The following MAPK10 variants were observed in gnomAD, a reference collection of about 807,000 sequenced individuals.
The protein encoded by MAPK10 is JNK3 alpha protein kinase.
MAPK10 carries 25 observed loss-of-function variants against 59.3 expected under a neutral mutation model. That is an observed-to-expected ratio of 0.42 (90% confidence interval 0.31 to 0.59). The LOEUF is 0.59. MAPK10 is among the 20% of genes least tolerant of loss of function. The pLI is 0.15. For missense variants in MAPK10, 351 were observed against 568.9 expected (o/e 0.62, Z 3.90); for synonymous variants, 190 against 200.5 (o/e 0.95, Z 0.44).
intron 9 of MAPK10, chr4:86,080,020 G>T (rs760517744): frequency 3.9e-5 from 6 of 151,958 alleles, no homozygotes; most frequent in Non-Finnish European, 4.4e-5. Flanking sequence ...ATGGTAATAA[G>T]AATTTTTATC....
intron 2 of MAPK10, among the ~76,000 whole-genome samples, chr4:86,305,444 CTA>C (rs2095549834): frequency 6.6e-6 from 1 of 152,160 alleles, no homozygotes; most frequent in African/African-American, 2.4e-5. Flanking sequence ...AGAATTAAAA[CTA>C]TTAAGAATCT....
At chr4:86,397,513 C>T (rs775978279) in intron 1 of MAPK10, among the ~76,000 whole-genome samples, 7 of 152,106 alleles carry the variant, frequency 4.6e-5, no homozygotes, top group Admixed American at 6.5e-5. Flanking sequence ...GATTTCCAAA[C>T]ATCTTTGAAG....
At chr4:86,493,284 A>C (rs1754617808) in intron 1 of MAPK10, among the ~76,000 whole-genome samples, 1 of 152,192 alleles carries the variant, frequency 6.6e-6, no homozygotes. Context: ...AACTCCTTTA[A>C]ATTTAATTTG....
At chr4:86,136,799 G>T (rs1189368723) in intron 4 of MAPK10, among the ~76,000 whole-genome samples, 1 of 151,640 alleles carries the variant, frequency 6.6e-6, no homozygotes, top group Non-Finnish European at 1.5e-5. Context: ...CATCTCACGT[G>T]CAGAGACACA....
At chr4:86,238,228 A>G (rs1429933434) in intron 2 of MAPK10, among the ~76,000 whole-genome samples, 1 of 152,176 alleles carries the variant, frequency 6.6e-6, no homozygotes, top group Non-Finnish European at 1.5e-5. Flanking sequence ...TACCAATACC[A>G]TACTGTTTTG....
chr4:86,376,055 T>C (rs540545305), intron 1 of MAPK10, among the ~76,000 whole-genome samples: 185 of 152,316 alleles, frequency 1.2e-3, no homozygotes, highest in African/African-American at 4.4e-3. Flanking sequence ...ACACTCAGTT[T>C]GTAGGAAAAA....
intron 2 of MAPK10, among the ~76,000 whole-genome samples, chr4:86,215,827 A>C (rs1308337714): frequency 2.0e-5 from 3 of 152,174 alleles, no homozygotes; most frequent in African/African-American, 7.2e-5. Context: ...GTGCCACTGC[A>C]CTCCAGCCTG....
intron 2 of MAPK10, among the ~76,000 whole-genome samples, chr4:86,224,467 G>A (rs1053503095): frequency 1.3e-5 from 2 of 152,192 alleles, no homozygotes; most frequent in Non-Finnish European, 2.9e-5. Context: ...TCCAGGTAGA[G>A]GGACTAGCAA....
intron 2 of MAPK10, among the ~76,000 whole-genome samples, chr4:86,337,019 G>C (rs1434305576): frequency 6.6e-6 from 1 of 151,936 alleles, no homozygotes; most frequent in Non-Finnish European, 1.5e-5. Context: ...TCAATCTCCT[G>C]ACCTCGTGAT....
At chr4:86,310,649 G>A (rs1397078611) in intron 2 of MAPK10, among the ~76,000 whole-genome samples, 1 of 152,040 alleles carries the variant, frequency 6.6e-6, no homozygotes, top group Non-Finnish European at 1.5e-5. Flanking sequence ...AAAATTTCTG[G>A]CAGCCTTGAA....
intron 4 of MAPK10, among the ~76,000 whole-genome samples, chr4:86,114,020 T>C (rs2057940282): frequency 1.3e-5 from 2 of 152,210 alleles, no homozygotes; most frequent in African/African-American, 2.4e-5. Context: ...TTGATACTTG[T>C]GGTTAAATTG....
At chr4:86,464,302 A>C (rs1052789732) in intron 1 of MAPK10, among the ~76,000 whole-genome samples, 2 of 152,220 alleles carry the variant, frequency 1.3e-5, no homozygotes, top group African/African-American at 4.8e-5. Context: ...AGTAATGGTA[A>C]AGCTTCTTAT....
At chr4:86,384,244 A>T (rs998566610) in intron 1 of MAPK10, 2 of 152,194 alleles carry the variant, frequency 1.3e-5, no homozygotes, top group Non-Finnish European at 2.9e-5. Context: ...AAACTGCAAG[A>T]ACAAGTCCCT....
chr4:86,136,833 G>A (rs1173899769), intron 4 of MAPK10, among the ~76,000 whole-genome samples: 3 of 151,858 alleles, frequency 2.0e-5, no homozygotes, highest in Non-Finnish European at 2.9e-5. Context: ...TAAAAGGATG[G>A]AGGAAGATCT....
At chr4:86,096,288 G>C (rs1196103383) in intron 9 of MAPK10, among the ~76,000 whole-genome samples, 1 of 151,694 alleles carries the variant, frequency 6.6e-6, no homozygotes, top group African/African-American at 2.4e-5. Flanking sequence ...ATTAAAAAAG[G>C]TGGGAGGGGC....
At chr4:86,301,741 T>C (rs1354141578) in intron 2 of MAPK10, among the ~76,000 whole-genome samples, 1 of 152,080 alleles carries the variant, frequency 6.6e-6, no homozygotes, top group Non-Finnish European at 1.5e-5. Flanking sequence ...GAACTTATGC[T>C]CCAGAGAGAA....
At chr4:86,543,825 A>C (rs1758920575) in intron 1 of MAPK10, among the ~76,000 whole-genome samples, 1 of 152,224 alleles carries the variant, frequency 6.6e-6, no homozygotes, top group Admixed American at 6.5e-5. Context: ...TGAGTTACTA[A>C]GTGAAGAAGG....
At chr4:86,549,772 G>C (rs920408070) in intron 1 of MAPK10, among the ~76,000 whole-genome samples, 2 of 152,092 alleles carry the variant, frequency 1.3e-5, no homozygotes, top group African/African-American at 4.8e-5. Flanking sequence ...TTGAGTCCAG[G>C]AGTTTGAGGT....
chr4:86,292,304 TA>T (rs2095249629), intron 2 of MAPK10, among the ~76,000 whole-genome samples: 1 of 152,202 alleles, frequency 6.6e-6, no homozygotes, highest in Non-Finnish European at 1.5e-5. Context: ...TCCATATCTC[TA>T]GCACAAATTC....
Sources: allele counts gnomAD v4.1 joint callset (sites outside exome capture counted in the v4.1 genomes callset), GRCh38; gene constraint gnomAD v4.1.1; transcripts MANE v1.5; gene names NCBI Gene and HGNC (gene_info 2026-07-23, HGNC 2026-07-21).